Variants in AK8 observed in about 807,000 individuals in gnomAD.
The protein encoded by AK8 is ATP-AMP transphosphorylase 8.
AK8 carries 44 observed loss-of-function variants against 54.6 expected under a neutral mutation model. The observed-to-expected ratio is 0.81, with a 90% CI of 0.63 to 1.04. The LOEUF is 1.04. Among genes scored for constraint, AK8 ranks in the 50% least tolerant of loss-of-function variants. The pLI, the probability that AK8 is intolerant of heterozygous loss-of-function variation, is 0.00. For missense variants in AK8, 555 were observed against 613.6 expected, an observed-to-expected ratio of 0.90 and a Z score of 1.01; for synonymous variants, 239 against 245.6, an observed-to-expected ratio of 0.97 and a Z score of 0.25.
At chr9:132,852,565 G>A (rs1440873444) in intron 5 of AK8, among the ~76,000 whole-genome samples, 3 of 149,242 alleles carry the variant, frequency 2.0e-5, no homozygotes, top group Non-Finnish European at 3.0e-5. Context: ...AGCTGAGATC[G>A]CACCACTGCA....
chr9:132,795,164 T>C (rs1281397798), intron 10 of AK8, among the ~76,000 whole-genome samples: 6 of 152,200 alleles, frequency 3.9e-5, no homozygotes, highest in Non-Finnish European at 5.9e-5. Flanking sequence ...CTCGAGACAT[T>C]TGTTTACATT....
chr9:132,794,093 A>T (rs1840053949), intron 10 of AK8, among the ~76,000 whole-genome samples: 1 of 151,996 alleles, frequency 6.6e-6, no homozygotes, highest in Admixed American at 6.6e-5. Context: ...AAAAACCATA[A>T]CCCTAATTCT....
In AK8 at chr9:132,826,010, T is replaced by C. The variant is rs1057492479; in HGVS notation, c.757+844A>G. Among the ~76,000 whole-genome samples, 6 of 152,214 alleles carry C rather than the reference T, an allele frequency of 3.9e-5. No homozygotes were observed. The highest frequency in any genetic ancestry group is 1.4e-4 in the African/African-American group (6 of 41,458). On this transcript the variant is annotated intron_variant, in intron 8 of 12. Coordinates refer to ENST00000298545, the MANE Select transcript of AK8 (RefSeq NM_152572.3). This position sits in a 1 kb window ranked among gnomAD's most constrained non-coding sequence, Gnocchi z 4.5. ...CAGCTGTTTGGGGATAGAATTATTC[T>C]ACCTTGCCCTTGCCTTTTTGGGCAG...
intron 5 of AK8, among the ~76,000 whole-genome samples, chr9:132,847,252 G>T (rs993503252): frequency 6.6e-6 from 1 of 152,226 alleles, no homozygotes; most frequent in African/African-American, 2.4e-5. Context: ...AAAGGGAAAG[G>T]CAGGTCTTCT....
chr9:132,749,659 G>A (rs1837813188), intron 11 of AK8, among the ~76,000 whole-genome samples: 1 of 151,578 alleles, frequency 6.6e-6, no homozygotes, highest in East Asian at 1.9e-4. Flanking sequence ...CTGTGTTGCT[G>A]TTTCCCAAAT....
chr9:132,769,168 C>A (rs73659472), intron 11 of AK8: 4,953 of 152,272 alleles, frequency 0.033, 267 homozygotes, highest in African/African-American at 0.11. Context: ...ACGGGGATGA[C>A]AGAGAGGCTG....
chr9:132,804,582 T>C (rs1840628769), intron 10 of AK8, among the ~76,000 whole-genome samples: 1 of 151,902 alleles, frequency 6.6e-6, no homozygotes, highest in African/African-American at 2.4e-5. Context: ...TGGGAGCAGG[T>C]ACATCCCTCT....
intron 5 of AK8, among the ~76,000 whole-genome samples, chr9:132,852,767 C>G: frequency 1.9e-5 from 1 of 54,002 alleles, no homozygotes; most frequent in African/African-American, 8.1e-5. Context: ...GAGATTAGGT[C>G]TCAAAAAAAA....
chr9:132,795,033 G>A (rs780058905), intron 10 of AK8, among the ~76,000 whole-genome samples: 4 of 152,132 alleles, frequency 2.6e-5, no homozygotes, highest in Admixed American at 2.0e-4. Context: ...ATATTTTCAC[G>A]GTTGCCTGTG....
At chr9:132,759,832 T>C (rs907339242) in intron 11 of AK8, among the ~76,000 whole-genome samples, 1 of 152,180 alleles carries the variant, frequency 6.6e-6, no homozygotes, top group African/African-American at 2.4e-5. Flanking sequence ...TTAAAATAAA[T>C]AGATATTTGA....
At chr9:132,797,952 C>A (rs189731257) in intron 10 of AK8, among the ~76,000 whole-genome samples, 4 of 152,192 alleles carry the variant, frequency 2.6e-5, no homozygotes, top group Non-Finnish European at 4.4e-5. Flanking sequence ...AGCAGTCCTG[C>A]GAAAGCTCCT....
chr9:132,727,616 C>T, intron 11 of AK8, 82 bp from the exon 12 acceptor site: 3 of 1,316,806 alleles, frequency 2.3e-6, no homozygotes, highest in East Asian at 5.0e-5. Flanking sequence ...TCTTGAGAAT[C>T]CTGGAGAGAC....
Position 132,770,364 on chromosome 9 carries a change from C to G in AK8, c.1121+22270G>C, listed in dbSNP as rs1590220204. Among the ~76,000 whole-genome samples, 1 of 152,288 alleles carries G rather than the reference C, an allele frequency of 6.6e-6. No homozygotes were observed. On this transcript the variant is annotated intron_variant, in intron 11 of 12. Coordinates refer to ENST00000298545, the MANE Select transcript of AK8 (RefSeq NM_152572.3). This position sits in a 1 kb window ranked among gnomAD's most constrained non-coding sequence, Gnocchi z 4.3. ...TGCTTCCTCAGTGCCATGAGGACCG[C>G]GCTCGATGGCGTCCAGGGGCCTCTG...
intron 3 of AK8, among the ~76,000 whole-genome samples, chr9:132,864,397 C>T (rs538103970): frequency 2.0e-5 from 3 of 152,190 alleles, no homozygotes; most frequent in Admixed American, 6.5e-5. Context: ...TTCATTCATC[C>T]CCTGCCAACC....
chr9:132,740,113 A>G (rs1173712746), intron 11 of AK8, among the ~76,000 whole-genome samples: 4 of 152,240 alleles, frequency 2.6e-5, no homozygotes, highest in Non-Finnish European at 2.9e-5. Flanking sequence ...CAGCTGGTGC[A>G]GCCCAGTTCT....
intron 11 of AK8, among the ~76,000 whole-genome samples, chr9:132,754,642 G>T (rs918384124): frequency 6.6e-6 from 1 of 152,118 alleles, no homozygotes; most frequent in Non-Finnish European, 1.5e-5. Flanking sequence ...TTCCCGGGAG[G>T]ACAGTTGAGC....
chr9:132,861,792 C>A (rs1843398800), intron 4 of AK8, among the ~76,000 whole-genome samples: 1 of 152,222 alleles, frequency 6.6e-6, no homozygotes, highest in Admixed American at 6.5e-5. Flanking sequence ...CAGGCACTGT[C>A]TGCAGACAAG....
At position 132,781,887 on chromosome 9, in the gene AK8, T is replaced by C. The variant is rs1839487391; in HGVS notation, c.1121+10747A>G. Among the ~76,000 whole-genome samples, 1 of 152,216 alleles carries C rather than the reference T, an allele frequency of 6.6e-6. No individual in the cohort carries two copies. The highest frequency in any genetic ancestry group is 2.4e-5 in the African/African-American group (1 of 41,456). Reference sequence around the variant, plus strand: ...TTACGGCTAAGATTACTTTCTGAGTTAATCATAAAAATGTTTAACTGAAAG... The same window carrying C: ...TTACGGCTAAGATTACTTTCTGAGTCAATCATAAAAATGTTTAACTGAAAG... On this transcript the variant is annotated intron_variant, in intron 11 of 12. Transcript: ENST00000298545. The surrounding 1 kb of genome is among the most constrained non-coding windows in gnomAD (Gnocchi z 4.6).
intron 11 of AK8, among the ~76,000 whole-genome samples, chr9:132,743,584 T>C (rs956816335): frequency 6.6e-6 from 1 of 152,358 alleles, no homozygotes; most frequent in Non-Finnish European, 1.5e-5. Context: ...CAGAGAAACC[T>C]GTCTTTTAAC....
Sources: gnomAD v4.1 joint callset for allele counts (sites outside exome capture counted in the v4.1 genomes callset) on GRCh38, gnomAD v4.1.1 for gene constraint, Gnocchi (gnomAD v3.1) non-coding constraint, MANE v1.5 for transcripts, NCBI Gene and HGNC (gene_info 2026-07-23, HGNC 2026-07-21) for gene names.